FUCA2: variants seen among roughly 807,000 people sequenced by gnomAD.
The protein encoded by FUCA2 is plasma alpha-L-fucosidase.
Under a neutral mutation model 52.6 loss-of-function variants are expected in FUCA2, and 41 were observed. That is an observed-to-expected ratio of 0.78 (90% confidence interval 0.61 to 1.01). The LOEUF (loss-of-function observed/expected upper bound fraction) is 1.01, where lower values mean the gene tolerates loss of function less well. FUCA2 is among the 50% of genes least tolerant of loss of function. The pLI, the probability that FUCA2 is intolerant of heterozygous loss-of-function variation, is 0.00. For missense variants in FUCA2, 507 were observed against 569.5 expected (o/e 0.89, Z 1.12); for synonymous variants, 211 against 217.3 (o/e 0.97, Z 0.26).
chr6:143,499,761 C>T lies in FUCA2; in HGVS notation c.1154+2171G>A, dbSNP rs1780507095. Among the ~76,000 whole-genome samples the T allele has an allele frequency of 6.6e-6, 1 of 152,076 alleles. No individual in the cohort carries two copies. The highest frequency in any genetic ancestry group is 2.1e-4 in the South Asian group (1 of 4,820). Reference sequence around the variant, plus strand: ...TGGCAAGGCAGATGTTATTGTGGGCCTTGAGAAGAGCAATTCTGGAGTGTG... The same window carrying T: ...TGGCAAGGCAGATGTTATTGTGGGCTTTGAGAAGAGCAATTCTGGAGTGTG... On this transcript the variant is annotated intron_variant, in intron 5 of 6. Coordinates refer to ENST00000002165, the MANE Select transcript of FUCA2 (RefSeq NM_032020.5). The surrounding 1 kb of genome is among the most constrained non-coding windows in gnomAD (Gnocchi z 6.0).
chr6:143,495,939 A>G lies in FUCA2; in HGVS notation c.1264-92T>C. ...GGAAGGAGTGATTAGTAGTTCAAAC[A>G]AAATTGTAGACAAGAGGTTCATTTT... On this transcript the variant is annotated intron_variant, in intron 6 of 6. Transcript: ENST00000002165. This position sits in a 1 kb window ranked among gnomAD's most constrained non-coding sequence, Gnocchi z 5.2. The G allele has an allele frequency of 7.6e-7, 1 of 1,312,882 alleles. No homozygotes were observed. The highest frequency in any genetic ancestry group is 1.5e-5 in the African/African-American group (1 of 68,224). 81.3% of individuals were successfully genotyped at this position (1,312,882 alleles called of 1,614,324 possible). A position where few individuals can be genotyped will look rare whatever the true frequency, so the allele number is the denominator to read the frequency against.
In FUCA2 at chr6:143,507,490, G is replaced by T; in HGVS notation, c.225-66C>A. 1 of 1,164,166 alleles carries T rather than the reference G, an allele frequency of 8.6e-7. No homozygotes were observed. The highest frequency in any genetic ancestry group is 1.2e-6 in the Non-Finnish European group (1 of 838,574). 72.1% of individuals were successfully genotyped at this position (1,164,166 alleles called of 1,614,324 possible). ...ACACATATTTAAAAGAACTGCTCCA[G>T]CTCCCCTTACCATTTACCCCTCACA... On this transcript the variant is annotated intron_variant, in intron 1 of 6. Transcript: ENST00000002165. The surrounding 1 kb of genome is among the most constrained non-coding windows in gnomAD (Gnocchi z 4.5).
chr6:143,508,007 G>A (rs1194861900), intron 1 of FUCA2, among the ~76,000 whole-genome samples: 6 of 152,120 alleles, frequency 3.9e-5, no homozygotes, highest in Non-Finnish European at 8.8e-5. Context: ...ATCACAACAT[G>A]TAGTATATGT....
Position 143,503,088 on chromosome 6 carries a change from TCATAGCAGGTGGCA to T in FUCA2, c.753-537_753-524del. 1 of 153,920 alleles carries T rather than the reference TCATAGCAGGTGGCA, an allele frequency of 6.5e-6. No individual in the cohort carries two copies. Among genetic ancestry groups the T allele is most frequent in the Non-Finnish European group, 1.4e-5 (1 of 69,116 alleles). 9.5% of individuals were successfully genotyped at this position (153,920 alleles called of 1,614,324 possible). On this transcript the variant is annotated intron_variant, in intron 3 of 6. Transcript: ENST00000002165. The surrounding 1 kb of genome is among the most constrained non-coding windows in gnomAD (Gnocchi z 4.8). ...TGAAATATCCCCACAATATTGCTTATCATAGCAGGTGGCATATTTAAGAGGGAAATACACGCCAC... is the reference window on the plus strand; with the variant it reads ...TGAAATATCCCCACAATATTGCTTATTATTTAAGAGGGAAATACACGCCAC...
At position 143,501,281 on chromosome 6, in the gene FUCA2, A is replaced by G. The variant is rs1780523352; in HGVS notation, c.1154+651T>C. On this transcript the variant is annotated intron_variant, in intron 5 of 6. Coordinates refer to ENST00000002165, the MANE Select transcript of FUCA2 (RefSeq NM_032020.5). The surrounding 1 kb of genome is among the most constrained non-coding windows in gnomAD (Gnocchi z 6.1). Reference sequence around the variant, plus strand: ...AAGTCAAGTAGATTGAAGAACAATTAGTCTAATCTTTCGGTTCCTATTTGA... The same window carrying G: ...AAGTCAAGTAGATTGAAGAACAATTGGTCTAATCTTTCGGTTCCTATTTGA... Among the ~76,000 whole-genome samples the G allele has an allele frequency of 6.6e-6, 1 of 152,236 alleles. No individual in the cohort carries two copies. Among genetic ancestry groups the G allele is most frequent in the East Asian group, 1.9e-4 (1 of 5,200 alleles).
Position 143,507,162 on chromosome 6 carries a change from A to G in FUCA2, c.412+75T>C. On this transcript the variant is annotated intron_variant, in intron 2 of 6. Transcript: ENST00000002165. The surrounding 1 kb of genome is among the most constrained non-coding windows in gnomAD (Gnocchi z 4.5). The stretch of plus-strand genomic sequence containing the variant: ...CGAAGAGAAAATTAGACCTTGCTTT[A>G]GTTTTTTCTTCCAAAAGAACAACTT... 7.2e-7 allele frequency: 1 copy of G among 1,388,272 alleles called. No individual in the cohort carries two copies. Among genetic ancestry groups the G allele is most frequent in the Non-Finnish European group, 9.9e-7 (1 of 1,011,640 alleles). 86.0% of individuals were successfully genotyped at this position (1,388,272 alleles called of 1,614,324 possible).
chr6:143,503,928 C>A lies in FUCA2; in HGVS notation c.737G>T (p.Trp246Leu). ...QYWNSTGFLAWLYNESPVRGT... is the reference protein window; with the variant it reads ...QYWNSTGFLALLYNESPVRGT... ...GCATACACACCTTTCATTATATAAC[C>A]AGGCCAAGAAGCCTGTGCTGTTCCA... Residue 246 changes from tryptophan to leucine, a missense_variant, in exon 3 of 7, where the codon TGG becomes TTG. Transcript: ENST00000002165. The surrounding 1 kb of genome is among the most constrained non-coding windows in gnomAD (Gnocchi z 4.8). The A allele has an allele frequency of 6.2e-7, 1 of 1,612,236 alleles. No homozygotes were observed. The highest frequency in any genetic ancestry group is 1.1e-5 in the South Asian group (1 of 90,896).
At position 143,502,483 on chromosome 6, in the gene FUCA2, C is replaced by T. The variant is rs1193567942; in HGVS notation, c.835G>A (p.Asp279Asn). 1 of 1,614,088 alleles carries T rather than the reference C, an allele frequency of 6.2e-7. No individual in the cohort carries two copies. The highest frequency in any genetic ancestry group is 8.5e-7 in the Non-Finnish European group (1 of 1,179,986). The change falls in exon 4 of 7, where the codon GAT becomes AAT. Residue 279 changes from aspartate to asparagine, a missense_variant. Coordinates refer to ENST00000002165, the MANE Select transcript of FUCA2 (RefSeq NM_032020.5). The surrounding 1 kb of genome is among the most constrained non-coding windows in gnomAD (Gnocchi z 4.1). ...CKHGGFYTCS[D>N]RYNPGHLLPH... ...AAAAGATGTCCTGGGTTATAACGAT[C>T]ACTGCAGGTATAGAAGCCACCATGC... is the stretch of plus-strand genomic sequence containing the variant.
chr6:143,497,438 G>A lies in FUCA2; in HGVS notation c.1214C>T (p.Ser405Leu). The change falls in exon 6 of 7, where the codon TCA becomes TTA. Residue 405 changes from serine to leucine, a missense_variant. By Grantham distance (145) the Ser-to-Leu change is moderately radical. Transcript: ENST00000002165. This position sits in a 1 kb window ranked among gnomAD's most constrained non-coding sequence, Gnocchi z 5.3. ...VYAIFLKWPTSGQLFLGHPKA... is the reference protein window; with the variant it reads ...VYAIFLKWPTLGQLFLGHPKA... Reference sequence around the variant, plus strand: ...GGGATGGCCAAGGAACAGCTGTCCTGATGTGGGCCATTTAAGAAAAATGGC... The same window carrying A: ...GGGATGGCCAAGGAACAGCTGTCCTAATGTGGGCCATTTAAGAAAAATGGC... 1 of 1,613,962 alleles carries A rather than the reference G, an allele frequency of 6.2e-7. No individual in the cohort carries two copies. The highest frequency in any genetic ancestry group is 8.5e-7 in the Non-Finnish European group (1 of 1,179,882).
chr6:143,505,969 G>T (rs1780600775), intron 2 of FUCA2: 1 of 152,106 alleles, frequency 6.6e-6, no homozygotes, highest in East Asian at 1.9e-4. Flanking sequence ...GTGCCATACA[G>T]CTTGGGAAAG....
intron 5 of FUCA2, among the ~76,000 whole-genome samples, chr6:143,498,849 G>A (rs1192814924): frequency 6.6e-6 from 1 of 152,136 alleles, no homozygotes; most frequent in Non-Finnish European, 1.5e-5. Flanking sequence ...ATCCAGGCAG[G>A]GGCGAGACAA....
rs1425666683 is a variant in FUCA2, at chr6:143,511,422, G to A, written c.213C>T (p.Ser71=). Residue 71 remains serine (S), a synonymous_variant, in exon 1 of 7, where the codon AGC becomes AGT. Coordinates refer to ENST00000002165, the MANE Select transcript of FUCA2 (RefSeq NM_032020.5). This position sits in a 1 kb window ranked among gnomAD's most constrained non-coding sequence, Gnocchi z 6.3. ...WGVFSVPSFG[S]EWFWWYWQKE... is the part of the protein sequence containing the mutation. ...GGGAGCGCACTCACCAGAACCACTCGCTACCGAAGCTGGGCACGGAAAACA... is the reference window on the plus strand; with the variant it reads ...GGGAGCGCACTCACCAGAACCACTCACTACCGAAGCTGGGCACGGAAAACA... 1 of 1,611,024 alleles carries A rather than the reference G, an allele frequency of 6.2e-7. No homozygotes were observed.
At position 143,509,310 on chromosome 6, in the gene FUCA2, G is replaced by C. The variant is rs1421665167; in HGVS notation, c.225-1886C>G. On this transcript the variant is annotated intron_variant, in intron 1 of 6. Coordinates refer to ENST00000002165, the MANE Select transcript of FUCA2 (RefSeq NM_032020.5). The surrounding 1 kb of genome is among the most constrained non-coding windows in gnomAD (Gnocchi z 5.4). ...AGAGTGAGGAGCAGAGGATACAAAG[G>C]GAAATCACAGGTAATTAAAGAATCT... Among the ~76,000 whole-genome samples, 2 of 152,160 alleles carry C rather than the reference G, an allele frequency of 1.3e-5. No individual in the cohort carries two copies. The highest frequency in any genetic ancestry group is 2.9e-5 in the Non-Finnish European group (2 of 68,030).
intron 2 of FUCA2, chr6:143,505,586 G>A (rs1168868904): frequency 6.6e-6 from 1 of 152,136 alleles, no homozygotes; most frequent in Admixed American, 6.6e-5. Flanking sequence ...CAAAGTGTTG[G>A]AATTATAGAT....
chr6:143,511,551 G>T lies in FUCA2; in HGVS notation c.84C>A (p.Ala28=). ...TGGGGTCGAAGCGCGTGGCGCTGTG[G>T]GCAGGGCACGGCGGCGGCGGCAGCA... ...LLLLPPPPCP[A]HSATRFDPTW... Residue 28 remains alanine (A), a synonymous_variant, in exon 1 of 7, where the codon GCC becomes GCA. Transcript: ENST00000002165. The surrounding 1 kb of genome is among the most constrained non-coding windows in gnomAD (Gnocchi z 6.3). 6.3e-7 allele frequency: 1 copy of T among 1,575,268 alleles called. No individual in the cohort carries two copies. The highest frequency in any genetic ancestry group is 8.6e-7 in the Non-Finnish European group (1 of 1,160,926).
chr6:143,511,523 A>G lies in FUCA2; in HGVS notation c.112T>C (p.Trp38Arg). ...AHSATRFDPT[W>R]ESLDARQLPA... ...AGCTGGCGGGCGTCCAGGGACTCCC[A>G]GGTGGGGTCGAAGCGCGTGGCGCTG... is the stretch of plus-strand genomic sequence containing the variant. Residue 38 changes from tryptophan to arginine, a missense_variant, in exon 1 of 7, where the codon TGG becomes CGG. Physicochemically the swap from Trp to Arg is moderately radical, Grantham distance 101. Coordinates refer to ENST00000002165, the MANE Select transcript of FUCA2 (RefSeq NM_032020.5). The surrounding 1 kb of genome is among the most constrained non-coding windows in gnomAD (Gnocchi z 6.3). 6.3e-7 allele frequency: 1 copy of G among 1,591,230 alleles called. No individual in the cohort carries two copies.
Position 143,511,399 on chromosome 6 carries a change from G to C in FUCA2, c.224+12C>G. On this transcript the variant is annotated intron_variant, in intron 1 of 6. Coordinates refer to ENST00000002165, the MANE Select transcript of FUCA2 (RefSeq NM_032020.5). The surrounding 1 kb of genome is among the most constrained non-coding windows in gnomAD (Gnocchi z 6.3). ...AAAGCGCGGCAGACGAGACAAAAGG[G>C]AGCGCACTCACCAGAACCACTCGCT... The C allele has an allele frequency of 6.3e-7, 1 of 1,595,034 alleles. No homozygotes were observed. Among genetic ancestry groups the C allele is most frequent in the Non-Finnish European group, 8.6e-7 (1 of 1,167,998 alleles).
rs1365110089 is a variant in FUCA2, at chr6:143,501,686, C to T, written c.1154+246G>A. On this transcript the variant is annotated intron_variant, in intron 5 of 6. Coordinates refer to ENST00000002165, the MANE Select transcript of FUCA2 (RefSeq NM_032020.5). This position sits in a 1 kb window ranked among gnomAD's most constrained non-coding sequence, Gnocchi z 6.1. Reference sequence around the variant, plus strand: ...TTTTCTAAGAGCTGAGTACTTTCAGCCAAAATTTGTCCACTACTGGGAGAT... The same window carrying T: ...TTTTCTAAGAGCTGAGTACTTTCAGTCAAAATTTGTCCACTACTGGGAGAT... Among the ~76,000 whole-genome samples, 1 of 152,140 alleles carries T rather than the reference C, an allele frequency of 6.6e-6. No homozygotes were observed. The highest frequency in any genetic ancestry group is 1.5e-5 in the Non-Finnish European group (1 of 68,018).
In FUCA2 at chr6:143,503,193, T is replaced by C. The variant is rs1472882424; in HGVS notation, c.753-628A>G. 1 of 152,574 alleles carries C rather than the reference T, an allele frequency of 6.6e-6. No individual in the cohort carries two copies. The highest frequency in any genetic ancestry group is 2.4e-5 in the African/African-American group (1 of 41,364). 9.5% of individuals were successfully genotyped at this position (152,574 alleles called of 1,614,324 possible). A position where few individuals can be genotyped will look rare whatever the true frequency, so the allele number is the denominator to read the frequency against. On this transcript the variant is annotated intron_variant, in intron 3 of 6. Coordinates refer to ENST00000002165, the MANE Select transcript of FUCA2 (RefSeq NM_032020.5). The surrounding 1 kb of genome is among the most constrained non-coding windows in gnomAD (Gnocchi z 4.8). ...TCCCAGTTTTTTCCCTTGGAAGGAG[T>C]ACCTGGACACACTGCTGTTTTAAGT...
Sources: gnomAD v4.1 joint callset for allele counts (sites outside exome capture counted in the v4.1 genomes callset) on GRCh38, gnomAD v4.1.1 for gene constraint, Gnocchi (gnomAD v3.1) non-coding constraint, MANE v1.5 for transcripts, NCBI Gene and HGNC (gene_info 2026-07-23, HGNC 2026-07-21) for gene names.